ADAMTSL1: variants seen among roughly 807,000 people sequenced by gnomAD.
ADAMTSL1 encodes ADAMTS like 1.
Under a neutral mutation model 201.8 loss-of-function variants are expected in ADAMTSL1, and 126 were observed. That is an observed-to-expected ratio of 0.62 (90% CI 0.54 to 0.72). ADAMTSL1 has a LOEUF of 0.72. Ranked by LOEUF, ADAMTSL1 falls within the 30% of genes least tolerant of loss-of-function variation. The pLI, the probability that ADAMTSL1 is intolerant of heterozygous loss-of-function variation, is 0.00. For missense variants in ADAMTSL1, 2,679 were observed against 2,277.8 expected (o/e 1.18, Z -3.59); for synonymous variants, 1,121 against 903.4 (o/e 1.24, Z -4.32).
intron 2 of ADAMTSL1, among the ~76,000 whole-genome samples, chr9:18,388,834 G>A (rs1837919910): frequency 6.6e-6 from 1 of 151,512 alleles, no homozygotes; most frequent in South Asian, 2.1e-4. Context: ...TCGGCTCACT[G>A]CAACCTCCGC....
chr9:18,315,453 G>A (rs1037799962), intron 2 of ADAMTSL1, among the ~76,000 whole-genome samples: 9 of 152,060 alleles, frequency 5.9e-5, no homozygotes, highest in African/African-American at 7.2e-5. Context: ...GGGGTGGTTC[G>A]GGCATTGGGG....
chr9:18,085,929 A>G, intron 1 of ADAMTSL1, among the ~76,000 whole-genome samples: 1 of 152,070 alleles, frequency 6.6e-6, no homozygotes, highest in South Asian at 2.1e-4. Context: ...AGGCAAGGAC[A>G]GTAGCAGCAG....
At position 18,370,300 on chromosome 9, in the gene ADAMTSL1, C is replaced by A. The variant is rs553854386; in HGVS notation, c.208-134529C>A. Among the ~76,000 whole-genome samples the A allele has an allele frequency of 4.6e-4, 69 of 151,610 alleles. No individual in the cohort carries two copies. The South Asian group carries it at 0.013, about 28-fold the overall frequency. ...CATCTCAAAAAAAAAAAAAGAGGCACTGGGGACTCCAAAGGGGAGGAGAAT... is the reference window on the plus strand; with the variant it reads ...CATCTCAAAAAAAAAAAAAGAGGCAATGGGGACTCCAAAGGGGAGGAGAAT... On this transcript the variant is annotated intron_variant, in intron 2 of 29. Transcript: ENST00000680146.
chr9:18,606,512 T>A (rs16936895), intron 4 of ADAMTSL1, among the ~76,000 whole-genome samples: 2,849 of 152,294 alleles, frequency 0.019, 45 homozygotes, highest in African/African-American at 0.034. Flanking sequence ...TGGTGCTGCC[T>A]GACCTCTTGA....
chr9:17,964,788 A>G (rs897703143), intron 1 of ADAMTSL1, among the ~76,000 whole-genome samples: 2 of 152,164 alleles, frequency 1.3e-5, no homozygotes, highest in African/African-American at 2.4e-5. Flanking sequence ...ACATTAAAGA[A>G]GTTTTATTTC....
intron 2 of ADAMTSL1, among the ~76,000 whole-genome samples, chr9:18,374,489 C>T (rs1424149581): frequency 6.6e-6 from 1 of 151,956 alleles, no homozygotes; most frequent in Admixed American, 6.6e-5. Context: ...TGCACCACCT[C>T]ACCTGGCTAA....
At chr9:18,555,907 G>A (rs1331122901) in intron 3 of ADAMTSL1, among the ~76,000 whole-genome samples, 3 of 151,976 alleles carry the variant, frequency 2.0e-5, no homozygotes, top group Non-Finnish European at 4.4e-5. Context: ...GGTATTTATT[G>A]CATTGCCACA....
intron 4 of ADAMTSL1, among the ~76,000 whole-genome samples, chr9:18,578,985 A>G (rs1016004351): frequency 3.3e-5 from 5 of 151,546 alleles, no homozygotes; most frequent in Non-Finnish European, 5.9e-5. Flanking sequence ...GCCAGTGATG[A>G]TGAGCATTTT....
At chr9:18,501,977 A>G (rs16936815) in intron 1 of ADAMTSL1, among the ~76,000 whole-genome samples, 5,647 of 152,284 alleles carry the variant, frequency 0.037, 350 homozygotes, top group African/African-American at 0.13. Flanking sequence ...CACATGAAAA[A>G]TATCAAGGAA....
intron 15 of ADAMTSL1, among the ~76,000 whole-genome samples, 188 bp downstream of exon 15, chr9:18,721,853 A>G (rs892451402): frequency 3.9e-5 from 6 of 152,370 alleles, no homozygotes; most frequent in Middle Eastern, 6.8e-3. Flanking sequence ...TAGCCCAGTC[A>G]ATGGTCATGC....
intron 1 of ADAMTSL1, among the ~76,000 whole-genome samples, chr9:18,000,278 C>T (rs1374339312): frequency 1.4e-5 from 2 of 139,204 alleles, no homozygotes; most frequent in African/African-American, 6.8e-5. Flanking sequence ...TGTTTCCTGA[C>T]TTTTTAATGA....
intron 4 of ADAMTSL1, among the ~76,000 whole-genome samples, chr9:18,584,183 T>C (rs1257341046): frequency 6.6e-6 from 1 of 152,210 alleles, no homozygotes; most frequent in Non-Finnish European, 1.5e-5. Context: ...CCACGTGTTG[T>C]GGGAGGATCC....
chr9:18,222,174 G>T (rs528266393), intron 2 of ADAMTSL1, among the ~76,000 whole-genome samples: 9 of 151,848 alleles, frequency 5.9e-5, no homozygotes, highest in South Asian at 4.2e-4. Flanking sequence ...TTATGTTCTA[G>T]AAGTATCCTT....
At chr9:18,374,174 C>A (rs931072629) in intron 2 of ADAMTSL1, among the ~76,000 whole-genome samples, 2 of 152,150 alleles carry the variant, frequency 1.3e-5, no homozygotes, top group Non-Finnish European at 2.9e-5. Flanking sequence ...GAACCCCTTA[C>A]CTTTGCTAAT....
chr9:18,393,111 G>A (rs1377737011), intron 2 of ADAMTSL1, among the ~76,000 whole-genome samples: 1 of 152,176 alleles, frequency 6.6e-6, no homozygotes, highest in East Asian at 1.9e-4. Context: ...GGTTATTAGT[G>A]GATGCATGAA....
chr9:18,331,097 A>G (rs2132907508), intron 2 of ADAMTSL1, among the ~76,000 whole-genome samples: 1 of 152,314 alleles, frequency 6.6e-6, no homozygotes, highest in Admixed American at 6.5e-5. Flanking sequence ...AAGTGGATCC[A>G]GGATAAAGTA....
chr9:17,969,855 T>A (rs551912993), intron 1 of ADAMTSL1, among the ~76,000 whole-genome samples: 2 of 152,112 alleles, frequency 1.3e-5, no homozygotes, highest in Non-Finnish European at 2.9e-5. Context: ...TTTAGGCATA[T>A]GCAAACTTGT....
chr9:18,188,963 T>A (rs1054220521), intron 2 of ADAMTSL1, among the ~76,000 whole-genome samples: 1 of 152,196 alleles, frequency 6.6e-6, no homozygotes, highest in African/African-American at 2.4e-5. Context: ...AATAGCTTGC[T>A]TAGGTCACAC....
intron 2 of ADAMTSL1, among the ~76,000 whole-genome samples, chr9:18,389,715 C>T (rs570048673): frequency 1.1e-4 from 17 of 152,068 alleles, no homozygotes; most frequent in Non-Finnish European, 2.5e-4. Context: ...AGGAGTTAAT[C>T]GTGGTGAGTA....
Sources: allele counts gnomAD v4.1 joint callset (sites outside exome capture counted in the v4.1 genomes callset), GRCh38; gene constraint gnomAD v4.1.1; transcripts MANE v1.5; gene names NCBI Gene and HGNC (gene_info 2026-07-23, HGNC 2026-07-21).